Variants in BBS4 observed in about 807,000 individuals in gnomAD.
BBS4 encodes the protein BBSome complex member BBS4.
BBS4 carries 58 observed loss-of-function variants against 71.4 expected under a neutral mutation model. That is an observed-to-expected ratio of 0.81 (90% confidence interval 0.66 to 1.01). The LOEUF (loss-of-function observed/expected upper bound fraction) is 1.01. Ranked by LOEUF, BBS4 falls within the 50% of genes least tolerant of loss-of-function variation. The probability of loss-of-function intolerance (pLI) is 0.00; values close to 1 mark genes in which losing one functional copy is unlikely to be tolerated. For synonymous variants in BBS4, 228 were observed against 216.8 expected (o/e 1.05, Z -0.46); for missense variants, 660 against 607.9 (o/e 1.09, Z -0.90).
Position 72,738,091 on chromosome 15 carries a change from T to TAAAAG in BBS4, c.*509_*513dup, listed in dbSNP as rs910523589. On this transcript the variant is annotated 3_prime_UTR_variant, in exon 16 of 16. Transcript: ENST00000268057. ...TAATCCAACTTTAATAGTATACATT[T>TAAAAG]AAAAGAAAAAAAACAAAAGCCCTGG... The TAAAAG allele has an allele frequency of 4.4e-6, 2 of 452,540 alleles. No homozygotes were observed. The highest frequency in any genetic ancestry group is 8.8e-6 in the Non-Finnish European group (2 of 226,500). The allele number at this position is 452,540 out of a possible 1,614,324, so 28.0% of individuals were successfully genotyped here. A position where few individuals can be genotyped will look rare whatever the true frequency, so the allele number is the denominator to read the frequency against.
chr15:72,718,235 G>T (rs542232885), intron 6 of BBS4, among the ~76,000 whole-genome samples: 1 of 152,158 alleles, frequency 6.6e-6, no homozygotes, highest in South Asian at 2.1e-4. Flanking sequence ...TTTGTATTCT[G>T]TTATATACCC....
intron 2 of BBS4, chr15:72,704,313 A>G: frequency 3.6e-6 from 2 of 561,002 alleles, no homozygotes; most frequent in South Asian, 3.2e-5. Flanking sequence ...ATTGCAAAAT[A>G]GGGGAGACTC....
intron 2 of BBS4, among the ~76,000 whole-genome samples, chr15:72,705,587 CTTTT>C (rs762708438): frequency 3.5e-5 from 3 of 86,858 alleles, no homozygotes; most frequent in Non-Finnish European, 2.1e-5. Flanking sequence ...ATGGCTTGTC[CTTTT>C]TTTTTTTTTT....
chr15:72,726,989 G>T (rs1230378829), intron 8 of BBS4, among the ~76,000 whole-genome samples: 2 of 152,218 alleles, frequency 1.3e-5, no homozygotes, highest in African/African-American at 4.8e-5. Flanking sequence ...TAGTCATGTT[G>T]TAGTGGGGAA....
chr15:72,691,817 G>A (rs1486499643), intron 1 of BBS4, among the ~76,000 whole-genome samples: 1 of 152,174 alleles, frequency 6.6e-6, no homozygotes, highest in Non-Finnish European at 1.5e-5. Context: ...ACAAAAATTA[G>A]CAGGATGCGG....
intron 2 of BBS4, among the ~76,000 whole-genome samples, chr15:72,696,052 T>C (rs1432225022): frequency 6.6e-6 from 1 of 152,256 alleles, no homozygotes; most frequent in Non-Finnish European, 1.5e-5. Context: ...TTCTTACTGA[T>C]GTAGTTACTG....
chr15:72,724,623 C>A lies in BBS4; in HGVS notation c.555C>A (p.Asp185Glu). The change falls in exon 8 of 16, where the codon GAC (aspartate) becomes GAA (glutamate). Residue 185 changes from aspartate (D) to glutamate (E), a missense_variant. Asp to Glu is a conservative substitution (Grantham distance 45). Coordinates refer to ENST00000268057, the MANE Select transcript of BBS4 (RefSeq NM_033028.5). ...GKIHLLEGDL[D>E]KAIEVYKKAV... ...TCCACTTGCTGGAGGGAGACTTGGA[C>A]AAGGCCATTGAAGTCTACAAGAAAG... 1.2e-6 allele frequency: 2 copies of A among 1,614,072 alleles called. No homozygotes were observed. Among genetic ancestry groups the A allele is most frequent in the Non-Finnish European group, 1.7e-6 (2 of 1,179,992 alleles).
intron 9 of BBS4, among the ~76,000 whole-genome samples, chr15:72,729,082 A>G (rs1317954342): frequency 6.6e-6 from 1 of 151,872 alleles, no homozygotes; most frequent in African/African-American, 2.4e-5. Flanking sequence ...TTATCAGGTG[A>G]CAAATTAACA....
At chr15:72,690,598 A>G (rs1217563126) in intron 1 of BBS4, among the ~76,000 whole-genome samples, 1 of 152,230 alleles carries the variant, frequency 6.6e-6, no homozygotes, top group Non-Finnish European at 1.5e-5. Context: ...GAGGTATAAT[A>G]CACGTACCAT....
Position 72,702,907 on chromosome 15 carries a change from A to T in BBS4, c.77-6793A>T, listed in dbSNP as rs1240789525. Among the ~76,000 whole-genome samples, 11 of 140,630 alleles carry T rather than the reference A, an allele frequency of 7.8e-5. No homozygotes were observed. The East Asian group carries it at 2.4e-3, about 30-fold the overall frequency. 92.3% of individuals were successfully genotyped at this position (140,630 alleles called of 152,430 possible). Reference sequence around the variant, plus strand: ...ACTGCAAGCTCCGCCTTCCGGGTTCACGCCATTCTCCTGCCTCAGCCTCCC... The same window carrying T: ...ACTGCAAGCTCCGCCTTCCGGGTTCTCGCCATTCTCCTGCCTCAGCCTCCC... On this transcript the variant is annotated intron_variant, in intron 2 of 15. Coordinates refer to ENST00000268057, the MANE Select transcript of BBS4 (RefSeq NM_033028.5).
chr15:72,729,542 G>T, intron 9 of BBS4, 74 bp from the exon 10 acceptor site: 1 of 1,420,384 alleles, frequency 7.0e-7, no homozygotes, highest in Non-Finnish European at 1.0e-6. Context: ...TAGCCACCAC[G>T]CCTGGTCTGG....
intron 6 of BBS4, among the ~76,000 whole-genome samples, chr15:72,718,158 A>G (rs138838207): frequency 2.4e-4 from 37 of 152,194 alleles, no homozygotes; most frequent in Non-Finnish European, 5.0e-4. Context: ...CCTCCTTGTC[A>G]TTTTATTATA....
At chr15:72,713,529 C>CTT (rs955205953) in intron 4 of BBS4, among the ~76,000 whole-genome samples, 1 of 151,926 alleles carries the variant, frequency 6.6e-6, no homozygotes, top group Non-Finnish European at 1.5e-5. Context: ...GGCAGTTATT[C>CTT]TTTTTTTTAG....
chr15:72,706,099 C>T (rs917381044), intron 2 of BBS4, among the ~76,000 whole-genome samples: 3 of 151,984 alleles, frequency 2.0e-5, no homozygotes, highest in Non-Finnish European at 4.4e-5. Context: ...AGACTTGGTC[C>T]AAGATGACTT....
chr15:72,737,740 C>CTACCTACCTGGTATT lies in BBS4; in HGVS notation c.*154_*168dup. 1 of 691,044 alleles carries CTACCTACCTGGTATT rather than the reference C, an allele frequency of 1.4e-6. No individual in the cohort carries two copies. The highest frequency in any genetic ancestry group is 2.6e-6 in the Non-Finnish European group (1 of 387,114). 42.8% of individuals were successfully genotyped at this position (691,044 alleles called of 1,614,324 possible). On this transcript the variant is annotated 3_prime_UTR_variant, in exon 16 of 16. Transcript: ENST00000268057. Reference sequence around the variant, plus strand: ...GCCAGCAGTTGAGCCTAAGGTCCTTCTACCTACCTGGTATTGGCATTTGAG... The same window carrying CTACCTACCTGGTATT: ...GCCAGCAGTTGAGCCTAAGGTCCTTCTACCTACCTGGTATTTACCTACCTGGTATTGGCATTTGAG...
At chr15:72,730,640 ATAC>A (rs1178251100) in intron 10 of BBS4, among the ~76,000 whole-genome samples, 1 of 152,202 alleles carries the variant, frequency 6.6e-6, no homozygotes, top group Non-Finnish European at 1.5e-5. Flanking sequence ...TAATGATTTG[ATAC>A]TACAACTTTT....
intron 6 of BBS4, among the ~76,000 whole-genome samples, chr15:72,719,510 G>C (rs1347222839): frequency 6.6e-6 from 1 of 152,052 alleles, no homozygotes; most frequent in Non-Finnish European, 1.5e-5. Flanking sequence ...GCTTCCCAGA[G>C]TGCTGGGATT....
chr15:72,722,719 G>C, intron 6 of BBS4, 75 bp from the exon 7 acceptor site: 1 of 1,345,402 alleles, frequency 7.4e-7, no homozygotes, highest in Admixed American at 1.7e-5. Context: ...ACAATCTCTA[G>C]ATGTCTGTTG....
At chr15:72,712,444 T>C (rs1303699881) in intron 4 of BBS4, 137 bp downstream of exon 4, 1 of 842,504 alleles carries the variant, frequency 1.2e-6, no homozygotes, top group Non-Finnish European at 1.9e-6. Context: ...CTAAGAAATG[T>C]GTTGTTAGGC....
Sources: allele counts gnomAD v4.1 joint callset (sites outside exome capture counted in the v4.1 genomes callset), GRCh38; gene constraint gnomAD v4.1.1; transcripts MANE v1.5; gene names NCBI Gene and HGNC (gene_info 2026-07-23, HGNC 2026-07-21).